DAB1: variants seen among roughly 807,000 people sequenced by gnomAD.
DAB1 encodes DAB adaptor protein 1, also known as disabled homolog 1.
In DAB1, 15 loss-of-function variants were observed where a neutral mutation model predicts 64.6. That is an observed-to-expected ratio of 0.23 (90% CI 0.16 to 0.36). The LOEUF (loss-of-function observed/expected upper bound fraction) is 0.36. Ranked by LOEUF, DAB1 falls within the 10% of genes least tolerant of loss-of-function variation. DAB1 has a pLI of 1.00. For synonymous variants in DAB1, 235 were observed against 251.9 expected, an observed-to-expected ratio of 0.93 and a Z score of 0.64; for missense variants, 596 against 706.7, an observed-to-expected ratio of 0.84 and a Z score of 1.78.
At chr1:57,674,642 CA>C (rs371232980) in intron 6 of DAB1, among the ~76,000 whole-genome samples, 18 of 152,278 alleles carry the variant, frequency 1.2e-4, no homozygotes, top group African/African-American at 4.3e-4. Flanking sequence ...TCTGGGATTT[CA>C]TCAAAGGGTC....
At position 58,091,968 on chromosome 1, in the gene DAB1, A is replaced by ACACACAC. The variant is rs1553159212; in HGVS notation, n.387+58542_387+58543insGTGTGTG. Among the ~76,000 whole-genome samples, 150 of 151,464 alleles carry ACACACAC rather than the reference A, an allele frequency of 9.9e-4. 1 individual carries two copies. The highest frequency in any genetic ancestry group is 2.1e-3 in the African/African-American group (87 of 41,166). On this transcript the variant is annotated intron_variant and non_coding_transcript_variant, in intron 5 of 20. Transcript: ENST00000485760. ...CACACACACACACACACACACACACAAACTAACATAGCTTAAGTAGCTTTA... is the reference window on the plus strand; with the variant it reads ...CACACACACACACACACACACACACACACACACAACTAACATAGCTTAAGTAGCTTTA...
chr1:57,757,411 G>C (rs1384882007), intron 6 of DAB1, among the ~76,000 whole-genome samples: 1 of 151,962 alleles, frequency 6.6e-6, no homozygotes, highest in Non-Finnish European at 1.5e-5. Flanking sequence ...CTAGAAATCT[G>C]TCAGCAGGGC....
At chr1:57,519,180 C>T (rs189806001) in intron 7 of DAB1, among the ~76,000 whole-genome samples, 1 of 152,262 alleles carries the variant, frequency 6.6e-6, no homozygotes, top group Non-Finnish European at 1.5e-5. Flanking sequence ...GTTCTTAATG[C>T]TGCATTTGAA....
intron 7 of DAB1, among the ~76,000 whole-genome samples, chr1:57,444,413 T>C (rs1359604718): frequency 6.6e-6 from 1 of 152,248 alleles, no homozygotes; most frequent in Non-Finnish European, 1.5e-5. Context: ...ATAAGCTTCA[T>C]CAGGGCAAAA....
intron 4 of DAB1, among the ~76,000 whole-genome samples, chr1:58,168,614 C>T (rs1655993306): frequency 6.6e-6 from 1 of 152,158 alleles, no homozygotes; most frequent in South Asian, 2.1e-4. Context: ...GCCCAAAGCC[C>T]CATCATAGGG....
intron 3 of DAB1, among the ~76,000 whole-genome samples, chr1:58,479,309 T>C (rs1447960935): frequency 6.6e-6 from 1 of 152,212 alleles, no homozygotes; most frequent in Non-Finnish European, 1.5e-5. Flanking sequence ...AAAATGATTA[T>C]ATGGAGAATA....
intron 6 of DAB1, among the ~76,000 whole-genome samples, chr1:57,736,227 C>G (rs183510291): frequency 6.6e-6 from 1 of 152,232 alleles, no homozygotes; most frequent in East Asian, 1.9e-4. Context: ...CTTCTTCCCT[C>G]CCAAGATAAA....
intron 1 of DAB1, chr1:57,862,716 T>A (rs1446850020): frequency 6.6e-6 from 1 of 152,202 alleles, no homozygotes; most frequent in Non-Finnish European, 1.5e-5. Context: ...ATTAGGAAGT[T>A]ACAAGCTAAA....
intron 2 of DAB1, among the ~76,000 whole-genome samples, chr1:57,191,314 C>T (rs1664103576): frequency 2.0e-5 from 3 of 152,126 alleles, no homozygotes; most frequent in Admixed American, 6.5e-5. Context: ...CAGTAGGGTG[C>T]ATGTGACACA....
intron 5 of DAB1, among the ~76,000 whole-genome samples, chr1:58,033,910 C>G (rs1423785332): frequency 6.6e-6 from 1 of 152,028 alleles, no homozygotes; most frequent in African/African-American, 2.4e-5. Context: ...GCTATGATAT[C>G]CAGGGATGAA....
At chr1:58,064,587 C>T (rs1354939891) in intron 5 of DAB1, among the ~76,000 whole-genome samples, 7 of 152,304 alleles carry the variant, frequency 4.6e-5, no homozygotes, top group Middle Eastern at 3.4e-3. Flanking sequence ...CTACTCAGTG[C>T]GGTGCCTGGC....
chr1:58,399,686 C>A (rs996037524), intron 3 of DAB1, among the ~76,000 whole-genome samples: 28 of 152,330 alleles, frequency 1.8e-4, no homozygotes, highest in Middle Eastern at 3.4e-3. Flanking sequence ...CCATAACTTG[C>A]ATTAATAATA....
chr1:57,689,976 T>G (rs1235205533), intron 6 of DAB1, among the ~76,000 whole-genome samples: 3 of 152,190 alleles, frequency 2.0e-5, no homozygotes, highest in Admixed American at 1.3e-4. Flanking sequence ...TTTTGATTTT[T>G]AGATCCCACA....
intron 14 of DAB1, among the ~76,000 whole-genome samples, chr1:57,007,465 T>C (rs931444954): frequency 1.3e-5 from 2 of 152,206 alleles, no homozygotes; most frequent in East Asian, 3.8e-4. Context: ...TTTGCCCTTG[T>C]TGACCCAGTC....
chr1:58,443,436 G>C (rs922313148), intron 3 of DAB1, among the ~76,000 whole-genome samples: 1 of 152,026 alleles, frequency 6.6e-6, no homozygotes, highest in African/African-American at 2.4e-5. Flanking sequence ...TTACATCATC[G>C]CCAAGGCTTT....
chr1:57,963,127 T>G (rs1645567107), intron 5 of DAB1, among the ~76,000 whole-genome samples: 1 of 152,176 alleles, frequency 6.6e-6, no homozygotes, highest in Admixed American at 6.5e-5. Context: ...TATCAGATAC[T>G]GTGCTAGGTG....
rs1352629040 is a variant in DAB1, at chr1:57,401,229, GTATA to G, written c.-137+22697_-137+22700del. Reference sequence around the variant, plus strand: ...ACTGAATTTATTTTACATGGTATAAGTATATAAGCAATTTCACAACAACTATATA... The same window carrying G: ...ACTGAATTTATTTTACATGGTATAAGTAAGCAATTTCACAACAACTATATA... On this transcript the variant is annotated intron_variant, in intron 1 of 14. Transcript: ENST00000371236. Among the ~76,000 whole-genome samples the G allele has an allele frequency of 5.9e-5, 9 of 152,240 alleles. No homozygotes were observed. The East Asian group carries it at 1.7e-3, about 29-fold the overall frequency.
intron 4 of DAB1, among the ~76,000 whole-genome samples, chr1:58,256,305 C>G (rs1442894977): frequency 1.3e-5 from 2 of 152,156 alleles, no homozygotes; most frequent in African/African-American, 4.8e-5. Context: ...CTGTGAGTAC[C>G]GAAGCCGGTG....
At chr1:58,329,339 A>G (rs564994844) in intron 4 of DAB1, among the ~76,000 whole-genome samples, 79 of 152,330 alleles carry the variant, frequency 5.2e-4, no homozygotes, top group African/African-American at 1.9e-3. Context: ...AGATTTTATT[A>G]TTTGAATAGT....
Sources: allele counts gnomAD v4.1 joint callset (sites outside exome capture counted in the v4.1 genomes callset), GRCh38; gene constraint gnomAD v4.1.1; transcripts MANE v1.5; gene names NCBI Gene and HGNC (gene_info 2026-07-23, HGNC 2026-07-21).